The following GALNTL6 variants were observed in gnomAD, a reference collection of about 807,000 sequenced individuals.
GALNTL6 encodes polypeptide N-acetylgalactosaminyltransferase like 6.
A neutral mutation model predicts 73.7 loss-of-function variants in GALNTL6; 46 were observed. The ratio of observed to expected loss-of-function variants is 0.62; its 90% CI spans 0.49 to 0.80. The LOEUF (loss-of-function observed/expected upper bound fraction) is 0.80. Ranked by LOEUF, GALNTL6 falls within the 30% of genes least tolerant of loss-of-function variation. The pLI is 0.00. For missense variants in GALNTL6, 604 were observed against 755.0 expected (o/e 0.80, Z 2.34); for synonymous variants, 259 against 263.7 (o/e 0.98, Z 0.17).
chr4:171,917,762 A>G (rs1737671231), intron 2 of GALNTL6, among the ~76,000 whole-genome samples: 1 of 152,134 alleles, frequency 6.6e-6, no homozygotes, highest in Non-Finnish European at 1.5e-5. Context: ...TTATAATCAG[A>G]AGGCTGCTTA....
At chr4:172,717,810 T>C (rs1450291217) in intron 5 of GALNTL6, among the ~76,000 whole-genome samples, 5 of 152,132 alleles carry the variant, frequency 3.3e-5, no homozygotes, top group Non-Finnish European at 7.4e-5. Context: ...CCCCAAAATA[T>C]ACTGAAAAAC....
chr4:172,309,078 G>T (rs1245562314), intron 3 of GALNTL6, among the ~76,000 whole-genome samples: 4 of 151,702 alleles, frequency 2.6e-5, no homozygotes, highest in African/African-American at 9.7e-5. Context: ...GATGAAATTT[G>T]TTTTTTTTTG....
chr4:172,633,034 C>T (rs1396039261), intron 5 of GALNTL6, among the ~76,000 whole-genome samples: 2 of 152,200 alleles, frequency 1.3e-5, no homozygotes, highest in African/African-American at 4.8e-5. Context: ...CGTGGAAATG[C>T]CTGGATGTCC....
At chr4:172,580,495 A>G (rs1390297659) in intron 5 of GALNTL6, among the ~76,000 whole-genome samples, 1 of 152,224 alleles carries the variant, frequency 6.6e-6, no homozygotes, top group Non-Finnish European at 1.5e-5. Flanking sequence ...CAAGCCAGAG[A>G]GTAAAACACA....
intron 2 of GALNTL6, among the ~76,000 whole-genome samples, chr4:171,841,819 T>C (rs1163405804): frequency 2.0e-5 from 3 of 152,088 alleles, no homozygotes; most frequent in East Asian, 3.9e-4. Flanking sequence ...GTTTTTTTAA[T>C]TGAAAAAATA....
At chr4:172,449,464 G>A (rs529087895) in intron 5 of GALNTL6, among the ~76,000 whole-genome samples, 65 of 152,158 alleles carry the variant, frequency 4.3e-4, no homozygotes, top group African/African-American at 1.5e-3. Flanking sequence ...CCTCCTTCCA[G>A]ACTACCTGTG....
At chr4:172,495,709 CTAAT>C (rs1734051441) in intron 5 of GALNTL6, among the ~76,000 whole-genome samples, 1 of 151,562 alleles carries the variant, frequency 6.6e-6, no homozygotes, top group African/African-American at 2.4e-5. Flanking sequence ...AGATGGGAGT[CTAAT>C]TAAAATGCAG....
intron 5 of GALNTL6, among the ~76,000 whole-genome samples, chr4:172,387,295 T>A (rs1743508313): frequency 6.6e-6 from 1 of 152,216 alleles, no homozygotes; most frequent in South Asian, 2.1e-4. Flanking sequence ...TCTTTTCATT[T>A]CAGCCTAAGG....
intron 5 of GALNTL6, among the ~76,000 whole-genome samples, chr4:172,692,773 C>G (rs1733391943): frequency 1.3e-5 from 2 of 152,112 alleles, no homozygotes; most frequent in South Asian, 2.1e-4. Context: ...CTGAATACAT[C>G]CTGTGGTGGA....
At position 172,202,101 on chromosome 4, in the gene GALNTL6, A is replaced by C. The variant is rs375153360; in HGVS notation, c.139-27555A>C. Reference sequence around the variant, plus strand: ...TAGTGAAAAATATCATCTCATGTAAATGTAGATATCTTGCTTACTTACTTA... The same window carrying C: ...TAGTGAAAAATATCATCTCATGTAACTGTAGATATCTTGCTTACTTACTTA... On this transcript the variant is annotated intron_variant, in intron 2 of 12. Coordinates refer to ENST00000506823, the MANE Select transcript of GALNTL6 (RefSeq NM_001034845.3). 2.0e-5 allele frequency among the ~76,000 whole-genome samples: 3 copies of C among 152,308 alleles called. No individual in the cohort carries two copies. In the East Asian group the frequency reaches 5.8e-4, roughly 29 times the overall value.
intron 2 of GALNTL6, among the ~76,000 whole-genome samples, chr4:172,162,692 A>G (rs1281944502): frequency 6.6e-6 from 1 of 152,038 alleles, no homozygotes; most frequent in Non-Finnish European, 1.5e-5. Flanking sequence ...TCTCATTTGA[A>G]TATATTTTCT....
chr4:172,829,153 C>T (rs991804631), intron 7 of GALNTL6, among the ~76,000 whole-genome samples: 4 of 152,184 alleles, frequency 2.6e-5, no homozygotes, highest in African/African-American at 9.7e-5. Flanking sequence ...AGGACAAAGG[C>T]ATGCAAGATA....
chr4:172,203,449 A>G (rs1736017372), intron 2 of GALNTL6, among the ~76,000 whole-genome samples: 1 of 152,222 alleles, frequency 6.6e-6, no homozygotes, highest in Non-Finnish European at 1.5e-5. Context: ...AAGTATTTGA[A>G]AAATTAAAAT....
chr4:172,739,603 T>G (rs1457256583), intron 5 of GALNTL6, among the ~76,000 whole-genome samples: 2 of 152,176 alleles, frequency 1.3e-5, no homozygotes, highest in African/African-American at 2.4e-5. Context: ...ACTAATGTAT[T>G]TACATCAAGT....
At chr4:172,729,863 C>T (rs1475593536) in intron 5 of GALNTL6, among the ~76,000 whole-genome samples, 1 of 152,100 alleles carries the variant, frequency 6.6e-6, no homozygotes, top group Non-Finnish European at 1.5e-5. Context: ...AATCCATGAG[C>T]ATAGACTATC....
At chr4:171,892,947 C>T (rs187692834) in intron 2 of GALNTL6, among the ~76,000 whole-genome samples, 44 of 152,110 alleles carry the variant, frequency 2.9e-4, no homozygotes, top group Non-Finnish European at 4.9e-4. Flanking sequence ...GTGTATGGCC[C>T]AGGAAGGACC....
chr4:172,012,946 G>A (rs1230977373), intron 2 of GALNTL6, among the ~76,000 whole-genome samples: 1 of 151,980 alleles, frequency 6.6e-6, no homozygotes, highest in Non-Finnish European at 1.5e-5. Flanking sequence ...ACAACCCTGT[G>A]TTGTCACTCT....
chr4:172,198,360 T>A (rs1158736489), intron 2 of GALNTL6, among the ~76,000 whole-genome samples: 1 of 151,264 alleles, frequency 6.6e-6, no homozygotes, highest in Non-Finnish European at 1.5e-5. Context: ...GCAATCTATT[T>A]ATCTGACAAA....
At chr4:172,159,732 T>G (rs1324410498) in intron 2 of GALNTL6, among the ~76,000 whole-genome samples, 1 of 152,154 alleles carries the variant, frequency 6.6e-6, no homozygotes, top group Non-Finnish European at 1.5e-5. Context: ...GATTTTAACC[T>G]AAAGTCAAAG....
Sources: gnomAD v4.1 joint callset for allele counts (sites outside exome capture counted in the v4.1 genomes callset) on GRCh38, gnomAD v4.1.1 for gene constraint, MANE v1.5 for transcripts, NCBI Gene and HGNC (gene_info 2026-07-23, HGNC 2026-07-21) for gene names.